HCRTR2: variants seen among roughly 807,000 people sequenced by gnomAD.
The protein encoded by HCRTR2 is hypocretin receptor 2, also known as orexin receptor type 2.
A neutral mutation model predicts 49.0 loss-of-function variants in HCRTR2; 22 were observed. The observed-to-expected ratio is 0.45, with a 90% CI of 0.32 to 0.64. HCRTR2 has a LOEUF of 0.64. Ranked by LOEUF, HCRTR2 falls within the 30% of genes least tolerant of loss-of-function variation. The probability of loss-of-function intolerance (pLI) is 0.04; values close to 1 mark genes in which losing one functional copy is unlikely to be tolerated. For synonymous variants in HCRTR2, 236 were observed against 205.3 expected (o/e 1.15, Z -1.28); for missense variants, 491 against 559.4 (o/e 0.88, Z 1.23).
chr6:55,261,820 C>T (rs998765850), intron 3 of HCRTR2, among the ~76,000 whole-genome samples: 3 of 152,054 alleles, frequency 2.0e-5, no homozygotes, highest in Non-Finnish European at 4.4e-5. Flanking sequence ...AAAAAGATAC[C>T]TGCACATGCA....
rs556902947 is a variant in HCRTR2 at position 55,167,309 on chromosome 6, G to A, written c.-377-6902G>A. ...GCATGTCACATTGCTTTTAACATTG[G>A]AGTCCAATACATAAACCTCTTTCAC... On this transcript the variant is annotated intron_variant, in intron 1 of 7. Coordinates refer to the HCRTR2 transcript ENST00000615358. Among the ~76,000 whole-genome samples, 39 of 152,180 alleles carry A rather than the reference G, an allele frequency of 2.6e-4. 1 individual carries two copies. Among genetic ancestry groups the A allele is most frequent in the African/African-American group, 9.2e-4 (38 of 41,508 alleles).
At chr6:55,240,126 G>A (rs1429153592) in intron 1 of HCRTR2, among the ~76,000 whole-genome samples, 1 of 151,762 alleles carries the variant, frequency 6.6e-6, no homozygotes, top group Non-Finnish European at 1.5e-5. Context: ...GGGAGGCCGA[G>A]GCAGGGGGAT....
In HCRTR2 at chr6:55,261,484, G is replaced by A. The variant is rs147188371; in HGVS notation, c.647-2223G>A. ...CAGTGGCATGATCTCAGCTCTCTGC[G>A]ACCTCCACCTCCCAAGTTCAAACGA... On this transcript the variant is annotated intron_variant, in intron 3 of 6. Transcript: ENST00000370862. Among the ~76,000 whole-genome samples the A allele has an allele frequency of 1.1e-3, 167 of 151,690 alleles. 1 individual carries two copies. The highest frequency in any genetic ancestry group is 3.8e-3 in the African/African-American group (156 of 41,362).
At chr6:55,135,210 A>C (rs1029741597) in intron 1 of HCRTR2, among the ~76,000 whole-genome samples, 1 of 152,118 alleles carries the variant, frequency 6.6e-6, no homozygotes, top group Admixed American at 6.6e-5. Flanking sequence ...ATACAGGATT[A>C]AAAATGACTT....
chr6:55,159,121 T>C (rs1306317840), intron 1 of HCRTR2, among the ~76,000 whole-genome samples: 1 of 152,042 alleles, frequency 6.6e-6, no homozygotes, highest in Non-Finnish European at 1.5e-5. Context: ...CAGGCAGCAA[T>C]CTTTGCAGTA....
intron 3 of HCRTR2, among the ~76,000 whole-genome samples, chr6:55,262,396 T>C (rs1310187504): frequency 7.7e-5 from 10 of 129,454 alleles, no homozygotes; most frequent in African/African-American, 3.1e-4. Flanking sequence ...TATATATAAA[T>C]ATATAATGTA....
In HCRTR2 at chr6:55,282,279, A is replaced by G. The variant is rs199688022; in HGVS notation, c.1160A>G (p.His387Arg). 13 of 1,613,758 alleles carry G rather than the reference A, an allele frequency of 8.1e-6. No individual in the cohort carries two copies. The highest frequency in any genetic ancestry group is 3.3e-5 in the Admixed American group (2 of 59,880). The change falls in exon 7 of 7, where the codon CAC becomes CGC. Residue 387 changes from histidine to arginine, a missense_variant. Coordinates refer to ENST00000370862, the MANE Select transcript of HCRTR2 (RefSeq NM_001384272.1). ...AAFSCCCLGV[H>R]HRQEDRLTRG... is the part of the protein sequence containing the mutation. Reference sequence around the variant, plus strand: ...TTTTCTTGCTGTTGCCTTGGAGTTCACCATCGCCAGGAGGATCGGCTCACC... The same window carrying G: ...TTTTCTTGCTGTTGCCTTGGAGTTCGCCATCGCCAGGAGGATCGGCTCACC...
intron 3 of HCRTR2, 90 bp from the exon 4 acceptor site, chr6:55,263,617 A>G (rs1185102022): frequency 8.3e-6 from 6 of 724,076 alleles, no homozygotes; most frequent in Admixed American, 6.0e-5. Flanking sequence ...AAAGGTAAAT[A>G]TGCACTTTGA....
At chr6:55,231,902 A>G (rs1766121894) in intron 1 of HCRTR2, among the ~76,000 whole-genome samples, 2 of 152,252 alleles carry the variant, frequency 1.3e-5, no homozygotes, top group Non-Finnish European at 1.5e-5. Flanking sequence ...ATCAAATTTA[A>G]CGTGTTCCAA....
intron 1 of HCRTR2, among the ~76,000 whole-genome samples, chr6:55,118,219 A>G (rs894372111): frequency 1.3e-5 from 2 of 151,880 alleles, no homozygotes; most frequent in Admixed American, 1.3e-4. Context: ...TGTTCCTATA[A>G]AGGATATGAT....
intron 2 of HCRTR2, among the ~76,000 whole-genome samples, chr6:55,252,873 CATT>C (rs1045493101): frequency 2.1e-4 from 32 of 151,954 alleles, no homozygotes; most frequent in Admixed American, 2.1e-3. Context: ...GTATCATCAT[CATT>C]ATTATTATTA....
chr6:55,213,483 G>C (rs1233013986), intron 1 of HCRTR2, among the ~76,000 whole-genome samples: 1 of 152,068 alleles, frequency 6.6e-6, no homozygotes, highest in Non-Finnish European at 1.5e-5. Context: ...TGGAACCACT[G>C]ACTCAAAAAT....
At chr6:55,147,939 T>C (rs1285187437) in intron 1 of HCRTR2, among the ~76,000 whole-genome samples, 3 of 148,382 alleles carry the variant, frequency 2.0e-5, no homozygotes, top group African/African-American at 7.3e-5. Context: ...GAAACTAATG[T>C]CATTGATGTT....
chr6:55,120,734 T>A (rs1764186486), intron 1 of HCRTR2, among the ~76,000 whole-genome samples: 1 of 152,026 alleles, frequency 6.6e-6, no homozygotes, highest in Non-Finnish European at 1.5e-5. Flanking sequence ...TCTATTTGAA[T>A]ACCATTTATT....
At position 55,174,532 on chromosome 6, in the gene HCRTR2, A is replaced by G. The variant is rs943242381; in HGVS notation, c.-56A>G. ...TTCCCACCGCAAATCACCAGTGCTCATGGGGCAGGCGGAGAGGAGCTTGCA... is the reference window on the plus strand; with the variant it reads ...TTCCCACCGCAAATCACCAGTGCTCGTGGGGCAGGCGGAGAGGAGCTTGCA... On this transcript the variant is annotated 5_prime_UTR_variant, in exon 1 of 7. The change abolishes an upstream ATG in the 5' untranslated region. Coordinates refer to ENST00000370862, the MANE Select transcript of HCRTR2 (RefSeq NM_001384272.1). 15 of 1,417,404 alleles carry G rather than the reference A, an allele frequency of 1.1e-5. No individual in the cohort carries two copies. The African/African-American group carries it at 2.0e-4, about 19-fold the overall frequency. 87.8% of individuals were successfully genotyped at this position (1,417,404 alleles called of 1,614,324 possible). A position where few individuals can be genotyped will look rare whatever the true frequency, so the allele number is the denominator to read the frequency against.
chr6:55,150,500 C>T (rs1764650261), intron 1 of HCRTR2, among the ~76,000 whole-genome samples: 1 of 151,934 alleles, frequency 6.6e-6, no homozygotes, highest in African/African-American at 2.4e-5. Flanking sequence ...TCCCCATTTC[C>T]ACCTCCCCCG....
At chr6:55,125,970 CG>C (rs1242585767) in intron 1 of HCRTR2, among the ~76,000 whole-genome samples, 1 of 151,972 alleles carries the variant, frequency 6.6e-6, no homozygotes. Context: ...TCCATCATGT[CG>C]TTTATGTTCT....
At chr6:55,187,567 T>G (rs1331697649) in intron 1 of HCRTR2, among the ~76,000 whole-genome samples, 1 of 151,692 alleles carries the variant, frequency 6.6e-6, no homozygotes, top group East Asian at 1.9e-4. Context: ...ATTTACAGAA[T>G]GGGCTTCTTG....
chr6:55,278,721 C>CT (rs398065820), intron 5 of HCRTR2, among the ~76,000 whole-genome samples: 5 of 94,086 alleles, frequency 5.3e-5, no homozygotes, highest in Non-Finnish European at 1.0e-4. Flanking sequence ...TGCTTTGCTT[C>CT]TTATTAATTA....
Sources: gnomAD v4.1 joint callset for allele counts (sites outside exome capture counted in the v4.1 genomes callset) on GRCh38, gnomAD v4.1.1 for gene constraint, MANE v1.5 for transcripts, NCBI Gene and HGNC (gene_info 2026-07-23, HGNC 2026-07-21) for gene names.